Variants in TEKT5 observed in about 807,000 individuals in gnomAD.
TEKT5 encodes the protein tektin-5.
Under a neutral mutation model 48.7 loss-of-function variants are expected in TEKT5, and 52 were observed. The ratio of observed to expected loss-of-function variants is 1.07; its 90% CI spans 0.86 to 1.35. The LOEUF is 1.35. Among genes scored for constraint, TEKT5 ranks in the 40% most tolerant of loss-of-function variants. The probability of loss-of-function intolerance (pLI) is 0.00; values close to 1 mark genes in which losing one functional copy is unlikely to be tolerated. For missense variants in TEKT5, 831 were observed against 641.6 expected (o/e 1.30, Z -3.19); for synonymous variants, 318 against 267.6 (o/e 1.19, Z -1.84).
At chr16:10,674,836 T>C (rs1898616431) in intron 5 of TEKT5, among the ~76,000 whole-genome samples, 1 of 151,422 alleles carries the variant, frequency 6.6e-6, no homozygotes, top group Non-Finnish European at 1.5e-5. Flanking sequence ...TTTTTTTTTT[T>C]TTTCTTGATA....
chr16:10,638,090 G>C (rs1254749226), intron 5 of TEKT5, among the ~76,000 whole-genome samples: 1 of 152,200 alleles, frequency 6.6e-6, no homozygotes, highest in East Asian at 1.9e-4. Flanking sequence ...GGGATTACAG[G>C]TGTGACCCAC....
chr16:10,635,943 C>T, intron 5 of TEKT5, 25 bp from the exon 6 acceptor site: 1 of 1,611,118 alleles, frequency 6.2e-7, no homozygotes, highest in Non-Finnish European at 8.5e-7. Flanking sequence ...ACAGGTGTCA[C>T]CACCCACCAG....
At chr16:10,631,334 C>T (rs1267807204) in intron 6 of TEKT5, among the ~76,000 whole-genome samples, 3 of 52,000 alleles carry the variant, frequency 5.8e-5, no homozygotes, top group Non-Finnish European at 1.0e-4. Flanking sequence ...GTTCTCAGTG[C>T]TGTGGGAAGC....
Position 10,690,021 on chromosome 16 carries a change from G to A in TEKT5, c.569C>T (p.Ala190Val). 1 of 1,613,924 alleles carries A rather than the reference G, an allele frequency of 6.2e-7. No individual in the cohort carries two copies. Among genetic ancestry groups the A allele is most frequent in the Non-Finnish European group, 8.5e-7 (1 of 1,179,994 alleles). The change falls in exon 2 of 7, where the codon GCC becomes GTC. Residue 190 changes from alanine to valine, a missense_variant. Coordinates refer to ENST00000283025, the MANE Select transcript of TEKT5 (RefSeq NM_144674.2). Reference protein sequence around the residue: ...ANEVNCPLQVALECLYHREKR... With the variant: ...ANEVNCPLQVVLECLYHREKR... The stretch of plus-strand genomic sequence containing the variant: ...CTCTCGATGGTACAGACACTCCAAG[G>A]CCACCTGTGGGAAGCAGCAGAAAGA...
intron 5 of TEKT5, among the ~76,000 whole-genome samples, chr16:10,636,683 A>T (rs1040203816): frequency 8.5e-6 from 1 of 118,174 alleles, no homozygotes; most frequent in Non-Finnish European, 1.7e-5. Context: ...TCATATATAC[A>T]TACATACGTG....
At chr16:10,642,558 G>A (rs564549525) in intron 5 of TEKT5, among the ~76,000 whole-genome samples, 1 of 152,146 alleles carries the variant, frequency 6.6e-6, no homozygotes, top group East Asian at 1.9e-4. Flanking sequence ...GGACCCCTGT[G>A]GTGTGGAATG....
At chr16:10,676,229 A>G (rs1222042969) in intron 4 of TEKT5, 48 bp from the exon 5 acceptor site, 3 of 1,584,268 alleles carry the variant, frequency 1.9e-6, no homozygotes, top group East Asian at 4.5e-5. Flanking sequence ...AGACCTCAGA[A>G]TCTGTGGTTT....
intron 4 of TEKT5, among the ~76,000 whole-genome samples, chr16:10,681,739 C>T (rs1204117399): frequency 2.6e-5 from 4 of 152,062 alleles, no homozygotes; most frequent in Admixed American, 6.6e-5. Flanking sequence ...GACCACACAG[C>T]TCCTACTGCC....
At chr16:10,649,478 G>C (rs1408390226) in intron 5 of TEKT5, among the ~76,000 whole-genome samples, 1 of 152,022 alleles carries the variant, frequency 6.6e-6, no homozygotes, top group African/African-American at 2.4e-5. Flanking sequence ...CTGTCACCCA[G>C]GCTGGAGTGC....
intron 5 of TEKT5, among the ~76,000 whole-genome samples, chr16:10,669,892 A>G (rs903812938): frequency 2.0e-5 from 3 of 152,184 alleles, no homozygotes; most frequent in African/African-American, 7.2e-5. Context: ...AGTCCAGAGA[A>G]GTCACCAGCT....
intron 3 of TEKT5, among the ~76,000 whole-genome samples, chr16:10,686,800 A>T (rs1008093935): frequency 6.6e-6 from 1 of 152,216 alleles, no homozygotes; most frequent in African/African-American, 2.4e-5. Flanking sequence ...TTATTGCGGC[A>T]CAATTTACGA....
intron 5 of TEKT5, among the ~76,000 whole-genome samples, chr16:10,660,137 A>G (rs943148422): frequency 1.3e-5 from 2 of 152,196 alleles, no homozygotes; most frequent in African/African-American, 2.4e-5. Flanking sequence ...GCAGATCCCC[A>G]GATCTCCAGT....
At chr16:10,691,846 G>A (rs1898984484) in intron 1 of TEKT5, among the ~76,000 whole-genome samples, 1 of 151,796 alleles carries the variant, frequency 6.6e-6, no homozygotes, top group Non-Finnish European at 1.5e-5. Flanking sequence ...TACTCGGGAC[G>A]CTGAGGCAGG....
chr16:10,667,557 T>C (rs1032881462), intron 5 of TEKT5, among the ~76,000 whole-genome samples: 1 of 152,228 alleles, frequency 6.6e-6, no homozygotes, highest in African/African-American at 2.4e-5. Flanking sequence ...GGGGTTGCTC[T>C]GAATCCATTC....
intron 5 of TEKT5, among the ~76,000 whole-genome samples, chr16:10,641,883 G>C (rs1423642765): frequency 3.9e-5 from 6 of 152,228 alleles, no homozygotes; most frequent in South Asian, 2.1e-4. Context: ...ATCTCAACTG[G>C]AATTAGGCAA....
In TEKT5 at chr16:10,639,666, T is replaced by C. The variant is rs77902462; in HGVS notation, c.1087-3748A>G. ...ATTTTTCAAATAAGACACCAATACA[T>C]TGAAATACCATTGTTTCCAAGAAGC... On this transcript the variant is annotated intron_variant, in intron 5 of 6. Coordinates refer to ENST00000283025, the MANE Select transcript of TEKT5 (RefSeq NM_144674.2). 5.4e-3 allele frequency among the ~76,000 whole-genome samples: 827 copies of C among 152,316 alleles called. 9 individuals carry two copies. The highest frequency in any genetic ancestry group is 0.051 in the Middle Eastern group (15 of 294).
At chr16:10,633,723 T>A (rs1256206063) in intron 6 of TEKT5, among the ~76,000 whole-genome samples, 1 of 152,114 alleles carries the variant, frequency 6.6e-6, no homozygotes, top group African/African-American at 2.4e-5. Flanking sequence ...TTGTATTTTA[T>A]TTTTTAGAGA....
rs1488750862 is a variant in TEKT5, at chr16:10,694,295, C to G, written c.564+15G>C. ...CAGGACACAGCCACAGCCCTGTCCC[C>G]ACCCCTGTACTCACCTGCAATGGGC... is the stretch of plus-strand genomic sequence containing the variant. On this transcript the variant is annotated intron_variant, in intron 1 of 6. Transcript: ENST00000283025. 1 of 1,556,336 alleles carries G rather than the reference C, an allele frequency of 6.4e-7. No individual in the cohort carries two copies. The highest frequency in any genetic ancestry group is 8.7e-7 in the Non-Finnish European group (1 of 1,150,610).
At chr16:10,674,849 G>A (rs965813017) in intron 5 of TEKT5, among the ~76,000 whole-genome samples, 23 of 150,848 alleles carry the variant, frequency 1.5e-4, no homozygotes, top group African/African-American at 5.6e-4. Flanking sequence ...TCTTGATACG[G>A]GGTCTCGCTG....
Sources: allele counts gnomAD v4.1 joint callset (sites outside exome capture counted in the v4.1 genomes callset), GRCh38; gene constraint gnomAD v4.1.1; transcripts MANE v1.5; gene names NCBI Gene and HGNC (gene_info 2026-07-23, HGNC 2026-07-21).